The following CXCL13 variants were observed in gnomAD, a reference collection of about 807,000 sequenced individuals.
The protein encoded by CXCL13 is C-X-C motif chemokine 13.
In CXCL13, 7 loss-of-function variants were observed where a neutral mutation model predicts 12.2. The observed-to-expected ratio is 0.57, with a 90% confidence interval of 0.33 to 1.07. CXCL13 has a LOEUF of 1.07. Ranked by LOEUF, CXCL13 falls within the 50% of genes least tolerant of loss-of-function variation. CXCL13 has a pLI of 0.04. For missense variants in CXCL13, 113 were observed against 127.4 expected (o/e 0.89, Z 0.55); for synonymous variants, 47 against 42.4 (o/e 1.11, Z -0.42).
At chr4:77,564,414 A>G (rs1185440266) in intron 1 of CXCL13, among the ~76,000 whole-genome samples, 1 of 152,204 alleles carries the variant, frequency 6.6e-6, no homozygotes, top group Non-Finnish European at 1.5e-5. Context: ...AGTTCAAGTG[A>G]CCCAGGAAAT....
chr4:77,583,499 T>C (rs1436430328), intron 1 of CXCL13, among the ~76,000 whole-genome samples: 1 of 152,218 alleles, frequency 6.6e-6, no homozygotes, highest in African/African-American at 2.4e-5. Context: ...TTCCTGAACA[T>C]ACTCTTCAAC....
chr4:77,597,582 G>C (rs145640500), intron 1 of CXCL13, among the ~76,000 whole-genome samples: 86 of 152,244 alleles, frequency 5.6e-4, no homozygotes, highest in African/African-American at 1.9e-3. Context: ...AAGTAAAAAA[G>C]TTCTTTCCCA....
chr4:77,579,207 T>G (rs1326552364), intron 1 of CXCL13, among the ~76,000 whole-genome samples: 1 of 152,208 alleles, frequency 6.6e-6, no homozygotes, highest in African/African-American at 2.4e-5. Context: ...GGCACCCACA[T>G]TTTGGCCCTC....
intron 1 of CXCL13, among the ~76,000 whole-genome samples, chr4:77,569,938 T>C (rs939393719): frequency 6.6e-6 from 1 of 152,126 alleles, no homozygotes; most frequent in African/African-American, 2.4e-5. Context: ...CATAGGCCAA[T>C]GGAACAGAAT....
At position 77,609,077 on chromosome 4, in the gene CXCL13, G is replaced by T. The variant is rs530505947; in HGVS notation, c.197+1242G>T. ...TGTGAGAAATTCATGCCAGTCACAG[G>T]TGAAAATACCGTGAGTCCAGATGAT... On this transcript the variant is annotated intron_variant, in intron 2 of 3. Transcript: ENST00000682537. Among the ~76,000 whole-genome samples the T allele has an allele frequency of 9.2e-5, 14 of 152,300 alleles. No individual in the cohort carries two copies. The South Asian group carries it at 1.9e-3, about 20-fold the overall frequency.
rs368755900 is a variant in CXCL13, at chr4:77,572,020, G to A, written c.-42-33804G>A. ...GAACCCACCAGAAGAAAGAAACTCC[G>A]AACACATCTGAACATCAGAAGGGAC... On this transcript the variant is annotated intron_variant, in intron 1 of 4. Transcript: ENST00000286758. Among the ~76,000 whole-genome samples, 247 of 151,740 alleles carry A rather than the reference G, an allele frequency of 1.6e-3. 6 individuals carry two copies. The highest frequency in any genetic ancestry group is 5.4e-3 in the African/African-American group (224 of 41,128).
chr4:77,564,870 T>C (rs1470111778), intron 1 of CXCL13, among the ~76,000 whole-genome samples: 2 of 152,208 alleles, frequency 1.3e-5, no homozygotes, highest in African/African-American at 4.8e-5. Flanking sequence ...TGCAATCCTT[T>C]GTGGAGCAAA....
intron 1 of CXCL13, among the ~76,000 whole-genome samples, chr4:77,551,010 G>A (rs1725503331): frequency 6.6e-6 from 1 of 152,028 alleles, no homozygotes. Context: ...TTTGAGCTTT[G>A]GGGTTTCCTT....
chr4:77,520,648 A>G (rs1724569093), intron 1 of CXCL13, among the ~76,000 whole-genome samples: 1 of 152,232 alleles, frequency 6.6e-6, no homozygotes, highest in Admixed American at 6.5e-5. Context: ...ATATACAATC[A>G]TATCATCCTC....
intron 1 of CXCL13, among the ~76,000 whole-genome samples, chr4:77,521,175 T>C (rs1724585699): frequency 6.6e-6 from 1 of 152,200 alleles, no homozygotes; most frequent in Non-Finnish European, 1.5e-5. Flanking sequence ...GGACTAAAAT[T>C]CTCTTTTTTT....
At chr4:77,563,994 G>C (rs1297734663) in intron 1 of CXCL13, among the ~76,000 whole-genome samples, 1 of 152,224 alleles carries the variant, frequency 6.6e-6, no homozygotes, top group East Asian at 1.9e-4. Flanking sequence ...TGTGACAGAC[G>C]GCCCTGCACT....
rs144080970 is a variant in CXCL13, at chr4:77,573,004, T to C, written c.-42-32820T>C. Among the ~76,000 whole-genome samples, 471 of 151,980 alleles carry C rather than the reference T, an allele frequency of 3.1e-3. 9 individuals are homozygous for C. Among genetic ancestry groups the C allele is most frequent in the Admixed American group, 0.022 (337 of 15,300 alleles). On this transcript the variant is annotated intron_variant, in intron 1 of 4. Transcript: ENST00000286758. ...CAGGAAAAAAAAACTGAATACCACATGTTCTCACTTATAAGTGGGAGCTAA... is the reference window on the plus strand; with the variant it reads ...CAGGAAAAAAAAACTGAATACCACACGTTCTCACTTATAAGTGGGAGCTAA...
At chr4:77,559,444 G>A (rs1303568281) in intron 1 of CXCL13, among the ~76,000 whole-genome samples, 4 of 152,162 alleles carry the variant, frequency 2.6e-5, no homozygotes, top group Non-Finnish European at 5.9e-5. Flanking sequence ...GGATGTGGAC[G>A]ACCTTGAGAA....
chr4:77,591,213 T>A (rs1250686978), intron 1 of CXCL13, among the ~76,000 whole-genome samples: 1 of 152,132 alleles, frequency 6.6e-6, no homozygotes, highest in Non-Finnish European at 1.5e-5. Context: ...ATATATACAT[T>A]CCTACTATAT....
intron 1 of CXCL13, among the ~76,000 whole-genome samples, chr4:77,581,660 C>T (rs1726336332): frequency 1.3e-5 from 2 of 152,130 alleles, no homozygotes; most frequent in Admixed American, 6.5e-5. Context: ...GTATTAGGTG[C>T]CATGTACCTT....
chr4:77,520,285 A>C (rs1299990650), intron 1 of CXCL13, among the ~76,000 whole-genome samples: 1 of 152,160 alleles, frequency 6.6e-6, no homozygotes. Context: ...GATGGCATTG[A>C]ACCTATAAAT....
chr4:77,578,909 G>T (rs1261437860), intron 1 of CXCL13, among the ~76,000 whole-genome samples: 1 of 152,176 alleles, frequency 6.6e-6, no homozygotes, highest in African/African-American at 2.4e-5. Flanking sequence ...ACTGAATATG[G>T]CTTGATAACT....
rs544752474 is a variant in CXCL13 at position 77,541,421 on chromosome 4, T to C, written c.-43+29633T>C. On this transcript the variant is annotated intron_variant, in intron 1 of 4. Transcript: ENST00000286758. The stretch of plus-strand genomic sequence containing the variant: ...AAATCTTTAATCCATGTTTCTTTCT[T>C]ATGCATATGGCTAGCCAGCTATCCC... 2.0e-4 allele frequency among the ~76,000 whole-genome samples: 30 copies of C among 152,308 alleles called. 1 individual carries two copies. In the South Asian group the frequency reaches 6.2e-3, roughly 32 times the overall value.
chr4:77,523,365 T>C (rs7694596), intron 1 of CXCL13, among the ~76,000 whole-genome samples: 4 of 152,228 alleles, frequency 2.6e-5, no homozygotes, highest in African/African-American at 9.6e-5. Context: ...GTAGATTTGG[T>C]CTTTTCATAG....
Sources: gnomAD v4.1 joint callset for allele counts (sites outside exome capture counted in the v4.1 genomes callset) on GRCh38, gnomAD v4.1.1 for gene constraint, MANE v1.5 for transcripts, NCBI Gene and HGNC (gene_info 2026-07-23, HGNC 2026-07-21) for gene names.